SLC35F1: variants seen among roughly 807,000 people sequenced by gnomAD.
The protein encoded by SLC35F1 is solute carrier family 35 member F1, also known as chromosome 6 open reading frame 169.
SLC35F1 carries 14 observed loss-of-function variants against 48.7 expected under a neutral mutation model. The ratio of observed to expected loss-of-function variants is 0.29; its 90% CI spans 0.19 to 0.45. The LOEUF (loss-of-function observed/expected upper bound fraction) is 0.45. SLC35F1 is among the 20% of genes least tolerant of loss of function. SLC35F1 has a pLI of 1.00. For synonymous variants in SLC35F1, 190 were observed against 202.2 expected (o/e 0.94, Z 0.51); for missense variants, 404 against 500.0 (o/e 0.81, Z 1.83).
intron 1 of SLC35F1, among the ~76,000 whole-genome samples, chr6:118,046,168 T>G (rs1043942710): frequency 6.6e-6 from 1 of 152,192 alleles, no homozygotes; most frequent in African/African-American, 2.4e-5. Flanking sequence ...GTCTTACATC[T>G]TTAAAACTAG....
At chr6:118,124,860 T>G (rs1233368882) in intron 1 of SLC35F1, among the ~76,000 whole-genome samples, 1 of 152,212 alleles carries the variant, frequency 6.6e-6, no homozygotes, top group Non-Finnish European at 1.5e-5. Flanking sequence ...TAAATGCCAT[T>G]CTTTATGACT....
At chr6:118,304,859 G>C (rs375342205) in intron 7 of SLC35F1, among the ~76,000 whole-genome samples, 3 of 151,308 alleles carry the variant, frequency 2.0e-5, no homozygotes, top group South Asian at 4.2e-4. Context: ...AAACAGGCAT[G>C]TAAATCCCAT....
At chr6:118,064,131 AAG>A (rs1221807660) in intron 1 of SLC35F1, among the ~76,000 whole-genome samples, 1 of 152,150 alleles carries the variant, frequency 6.6e-6, no homozygotes, top group African/African-American at 2.4e-5. Flanking sequence ...AGCAGGCAAA[AAG>A]AGAGCTTATG....
intron 1 of SLC35F1, among the ~76,000 whole-genome samples, chr6:118,032,171 G>T (rs1024497135): frequency 6.6e-6 from 1 of 151,754 alleles, no homozygotes; most frequent in Non-Finnish European, 1.5e-5. Flanking sequence ...TTCTTTCTTT[G>T]GTTATTCATC....
chr6:118,065,415 G>C (rs534933695), intron 1 of SLC35F1, among the ~76,000 whole-genome samples: 2 of 152,078 alleles, frequency 1.3e-5, no homozygotes, highest in African/African-American at 2.4e-5. Context: ...ATGTCAGGCT[G>C]TACTCACAAC....
intron 1 of SLC35F1, among the ~76,000 whole-genome samples, chr6:117,984,087 T>A (rs1215370924): frequency 6.6e-6 from 1 of 152,210 alleles, no homozygotes; most frequent in Admixed American, 6.5e-5. Flanking sequence ...AAAAAACTCC[T>A]TATATATTTG....
chr6:118,075,349 T>A (rs1359797295), intron 1 of SLC35F1, among the ~76,000 whole-genome samples: 1 of 152,254 alleles, frequency 6.6e-6, no homozygotes, highest in Non-Finnish European at 1.5e-5. Flanking sequence ...TGGAAACTAG[T>A]GTTATTTCCG....
At chr6:118,269,731 G>C (rs987864454) in intron 4 of SLC35F1, among the ~76,000 whole-genome samples, 1 of 151,962 alleles carries the variant, frequency 6.6e-6, no homozygotes, top group Non-Finnish European at 1.5e-5. Context: ...ACATAAGTCA[G>C]GCATCCAAGT....
chr6:118,001,182 C>T (rs1777087788), intron 1 of SLC35F1, among the ~76,000 whole-genome samples: 1 of 152,210 alleles, frequency 6.6e-6, no homozygotes, highest in Non-Finnish European at 1.5e-5. Flanking sequence ...AGGCATCACA[C>T]TACCTGACTT....
At chr6:118,230,967 G>GCAAACAAA (rs1478775258) in intron 2 of SLC35F1, among the ~76,000 whole-genome samples, 1 of 151,868 alleles carries the variant, frequency 6.6e-6, no homozygotes, top group Admixed American at 6.6e-5. Flanking sequence ...TCTGAAACAA[G>GCAAACAAA]CAAACAAACA....
intron 1 of SLC35F1, among the ~76,000 whole-genome samples, chr6:118,082,790 C>A (rs1349694849): frequency 3.9e-5 from 6 of 152,136 alleles, no homozygotes; most frequent in African/African-American, 1.4e-4. Flanking sequence ...TTCCCTTAAG[C>A]AAATCCAAAG....
At chr6:118,183,602 C>T (rs964443942) in intron 2 of SLC35F1, among the ~76,000 whole-genome samples, 1 of 151,742 alleles carries the variant, frequency 6.6e-6, no homozygotes, top group Non-Finnish European at 1.5e-5. Context: ...CAATGGTGAC[C>T]ATCAAGAAAC....
chr6:118,168,222 C>T lies in SLC35F1; in HGVS notation c.349+13602C>T, dbSNP rs116735084. On this transcript the variant is annotated intron_variant, in intron 2 of 7. Transcript: ENST00000360388. ...TCCTTTATTTAGACTTAGTTGTGGC[C>T]GCTTCTTGGTTGCTGGGCTTCTATG... Among the ~76,000 whole-genome samples, 474 of 152,134 alleles carry T rather than the reference C, an allele frequency of 3.1e-3. 2 individuals carry two copies. The highest frequency in any genetic ancestry group is 0.011 in the African/African-American group (458 of 41,522).
intron 2 of SLC35F1, among the ~76,000 whole-genome samples, chr6:118,230,460 T>C (rs570344475): frequency 1.3e-5 from 2 of 152,154 alleles, no homozygotes; most frequent in Non-Finnish European, 2.9e-5. Context: ...TCATAAAACA[T>C]AATAGTAGAC....
At chr6:118,127,223 C>A (rs28817378) in intron 1 of SLC35F1, among the ~76,000 whole-genome samples, 30,422 of 151,552 alleles carry the variant, frequency 0.2, 3,221 homozygotes, top group East Asian at 0.32. Context: ...GCCTTTTCTG[C>A]ATCTATTGAG....
chr6:117,929,451 T>TTGTG (rs1230496685), intron 1 of SLC35F1, among the ~76,000 whole-genome samples: 3 of 88,514 alleles, frequency 3.4e-5, no homozygotes, highest in Non-Finnish European at 4.7e-5. Context: ...GTGTATGTAT[T>TTGTG]TATGTGTGTG....
At chr6:118,105,052 C>G (rs1773310316) in intron 1 of SLC35F1, among the ~76,000 whole-genome samples, 1 of 152,150 alleles carries the variant, frequency 6.6e-6, no homozygotes, top group African/African-American at 2.4e-5. Flanking sequence ...TTCTTTTAGT[C>G]TTCTCAAAAA....
chr6:118,144,454 G>C lies in SLC35F1; in HGVS notation c.174-9991G>C, dbSNP rs543099595. Reference sequence around the variant, plus strand: ...GCCTGCAGGGGGTCGGGGGGAGGGAGAGCATCAGGATAAATAGCTAATGCA... The same window carrying C: ...GCCTGCAGGGGGTCGGGGGGAGGGACAGCATCAGGATAAATAGCTAATGCA... On this transcript the variant is annotated intron_variant, in intron 1 of 7. Coordinates refer to ENST00000360388, the MANE Select transcript of SLC35F1 (RefSeq NM_001029858.4). 5.6e-4 allele frequency among the ~76,000 whole-genome samples: 85 copies of C among 152,052 alleles called. 1 individual carries two copies. Among genetic ancestry groups the C allele is most frequent in the African/African-American group, 2.0e-3 (83 of 41,448 alleles).
intron 2 of SLC35F1, among the ~76,000 whole-genome samples, chr6:118,170,193 A>T (rs1774380990): frequency 6.6e-6 from 1 of 152,226 alleles, no homozygotes; most frequent in Admixed American, 6.5e-5. Flanking sequence ...TACTATATGG[A>T]ACTTCCAATT....
Sources: allele counts gnomAD v4.1 joint callset (sites outside exome capture counted in the v4.1 genomes callset), GRCh38; gene constraint gnomAD v4.1.1; transcripts MANE v1.5; gene names NCBI Gene and HGNC (gene_info 2026-07-23, HGNC 2026-07-21).